Variants in PCDHA10 observed in about 807,000 individuals in gnomAD.
PCDHA10 encodes protocadherin alpha-10.
PCDHA10 carries 45 observed loss-of-function variants against 61.2 expected under a neutral mutation model. The ratio of observed to expected loss-of-function variants is 0.74; its 90% CI spans 0.58 to 0.94. PCDHA10 has a LOEUF of 0.94. Ranked by LOEUF, PCDHA10 falls within the 40% of genes least tolerant of loss-of-function variation. The pLI, the probability that PCDHA10 is intolerant of heterozygous loss-of-function variation, is 0.00. For missense variants in PCDHA10, 1,278 were observed against 1,236.2 expected, an observed-to-expected ratio of 1.03 and a Z score of -0.51; for synonymous variants, 602 against 548.8, an observed-to-expected ratio of 1.10 and a Z score of -1.35.
intron 1 of PCDHA10, among the ~76,000 whole-genome samples, chr5:140,891,310 G>A (rs1361380938): frequency 6.6e-6 from 1 of 152,030 alleles, no homozygotes; most frequent in Non-Finnish European, 1.5e-5. Flanking sequence ...GATTACATGA[G>A]TAAGTTCTTT....
Position 140,863,381 on chromosome 5 carries a change from G to A in PCDHA10, c.2388+4945G>A, listed in dbSNP as rs1186134797. 4 of 1,058,516 alleles carry A rather than the reference G, an allele frequency of 3.8e-6. No homozygotes were observed. In the African/African-American group the frequency reaches 4.8e-5, roughly 13 times the overall value. 65.6% of individuals were successfully genotyped at this position (1,058,516 alleles called of 1,614,324 possible). ...CGGTGCTTGGCGCAGCTCACCGAGAGCTCGTGCATGCCGGGCAAGCCCACG... is the reference window on the plus strand; with the variant it reads ...CGGTGCTTGGCGCAGCTCACCGAGAACTCGTGCATGCCGGGCAAGCCCACG... On this transcript the variant is annotated intron_variant, in intron 1 of 3. Transcript: ENST00000307360.
intron 3 of PCDHA10, among the ~76,000 whole-genome samples, chr5:141,008,458 C>T (rs1234894606): frequency 3.9e-5 from 6 of 152,252 alleles, no homozygotes; most frequent in Middle Eastern, 3.4e-3. Context: ...CCTTCCTCTC[C>T]AGCTCTGACT....
chr5:140,924,116 G>C (rs2081683465), intron 1 of PCDHA10, among the ~76,000 whole-genome samples: 1 of 152,178 alleles, frequency 6.6e-6, no homozygotes, highest in African/African-American at 2.4e-5. Flanking sequence ...AAAGCAGTTA[G>C]CTTGCTTAGC....
At chr5:140,858,612 A>G (rs1554151880) in intron 1 of PCDHA10, 176 bp downstream of exon 1, 2 of 1,223,056 alleles carry the variant, frequency 1.6e-6, no homozygotes, top group Admixed American at 2.7e-5. Flanking sequence ...AAATTTTTTT[A>G]TCCTACCCAG....
chr5:140,976,427 T>C (rs2096715861), intron 1 of PCDHA10, among the ~76,000 whole-genome samples: 1 of 152,064 alleles, frequency 6.6e-6, no homozygotes, highest in Admixed American at 6.5e-5. Flanking sequence ...GGCAGATGCC[T>C]GTAATCCCAG....
At chr5:140,991,247 T>C (rs1211585397) in intron 3 of PCDHA10, among the ~76,000 whole-genome samples, 1 of 152,200 alleles carries the variant, frequency 6.6e-6, no homozygotes, top group Non-Finnish European at 1.5e-5. Flanking sequence ...AAAGGCAGTA[T>C]TTGAACTCAT....
chr5:140,916,717 T>C (rs781839792), intron 1 of PCDHA10, among the ~76,000 whole-genome samples: 1 of 151,908 alleles, frequency 6.6e-6, no homozygotes, highest in South Asian at 2.1e-4. Flanking sequence ...AAGGAAGGAG[T>C]GACTTTTGTT....
In PCDHA10 at chr5:140,858,343, G is replaced by A. The variant is rs1554151440; in HGVS notation, c.2295G>A (p.Ala765=). Residue 765 remains alanine (A), a synonymous_variant, in exon 1 of 4, where the codon GCG becomes GCA. Coordinates refer to ENST00000307360, the MANE Select transcript of PCDHA10 (RefSeq NM_018901.4). ...GTTCTGGGGAGGGCCTGCCCAAGGC[G>A]GACCTCATGGCCTTCAGCCCCAGCC... The part of the protein sequence containing the change: ...RVCSGEGLPK[A]DLMAFSPSLP... 9 of 1,594,924 alleles carry A rather than the reference G, an allele frequency of 5.6e-6. 1 individual carries two copies. The highest frequency in any genetic ancestry group is 6.9e-6 in the Non-Finnish European group (8 of 1,165,636).
chr5:141,008,678 G>C (rs1463545809), intron 3 of PCDHA10, among the ~76,000 whole-genome samples: 1 of 152,112 alleles, frequency 6.6e-6, no homozygotes, highest in Non-Finnish European at 1.5e-5. Flanking sequence ...ATATACTTTA[G>C]TTATTGCATG....
intron 3 of PCDHA10, among the ~76,000 whole-genome samples, chr5:140,985,454 A>G (rs1378044295): frequency 1.3e-5 from 2 of 152,188 alleles, no homozygotes; most frequent in Non-Finnish European, 2.9e-5. Context: ...GAAAAGGGAA[A>G]TGCTCCAAAA....
At chr5:140,953,228 G>C (rs2094861370) in intron 1 of PCDHA10, among the ~76,000 whole-genome samples, 2 of 152,124 alleles carry the variant, frequency 1.3e-5, no homozygotes, top group African/African-American at 4.8e-5. Context: ...CTTCTGCTTG[G>C]TAGCAGTTCA....
chr5:140,877,697 C>T (rs2057290837), intron 1 of PCDHA10: 15 of 1,613,794 alleles, frequency 9.3e-6, no homozygotes, highest in Non-Finnish European at 1.3e-5. Flanking sequence ...CTGGTGTGCT[C>T]CAGCGCCGTG....
chr5:140,956,775 C>T (rs1176979643), intron 1 of PCDHA10, among the ~76,000 whole-genome samples: 1 of 152,112 alleles, frequency 6.6e-6, no homozygotes, highest in Non-Finnish European at 1.5e-5. Context: ...CTGTCTGGTC[C>T]TGGGCTTTGT....
At chr5:140,973,980 A>G (rs1554235707) in intron 1 of PCDHA10, among the ~76,000 whole-genome samples, 1 of 152,248 alleles carries the variant, frequency 6.6e-6, no homozygotes, top group African/African-American at 2.4e-5. Flanking sequence ...TGGCTTTTAC[A>G]GAACTTCACC....
chr5:140,966,888 C>A, intron 1 of PCDHA10: 13 of 1,593,128 alleles, frequency 8.2e-6, no homozygotes, highest in Non-Finnish European at 1.1e-5. Context: ...GGCCCTGCGG[C>A]CTCCCAGCTG....
rs116232949 is a variant in PCDHA10, at chr5:140,982,448, G to A, written c.2448-27G>A. The A allele has an allele frequency of 4.0e-3, 6,396 of 1,613,770 alleles. 180 individuals carry two copies. In the African/African-American group the frequency reaches 0.067, roughly 17 times the overall value. ...ATGGGAAAGAATTTATGATCTAACC[G>A]TTATCTGGGTCTGTGTGTTTATTCA... On this transcript the variant is annotated intron_variant, in intron 2 of 3. Coordinates refer to ENST00000307360, the MANE Select transcript of PCDHA10 (RefSeq NM_018901.4).
chr5:140,960,397 G>A (rs1322659184), intron 1 of PCDHA10, among the ~76,000 whole-genome samples: 1 of 152,102 alleles, frequency 6.6e-6, no homozygotes, highest in African/African-American at 2.4e-5. Flanking sequence ...AGGATGCAAG[G>A]GGGGGTGCCC....
intron 1 of PCDHA10, among the ~76,000 whole-genome samples, chr5:140,891,360 G>T (rs2063061562): frequency 6.6e-6 from 1 of 151,060 alleles, no homozygotes; most frequent in Admixed American, 6.6e-5. Context: ...CATCACCTGA[G>T]CAGTATACAT....
rs782537686 is a variant in PCDHA10, at chr5:140,967,852, C to T, written c.2389-11097C>T. 13 of 1,614,142 alleles carry T rather than the reference C, an allele frequency of 8.1e-6. No homozygotes were observed. The Middle Eastern group carries it at 1.2e-3, about 143-fold the overall frequency. On this transcript the variant is annotated intron_variant, in intron 1 of 3. Transcript: ENST00000307360. ...ACATCGTGGACGTGAATGACAATGC[C>T]CCAGAGGTGGTGCTCACGGACCTGT...
Sources: allele counts gnomAD v4.1 joint callset (sites outside exome capture counted in the v4.1 genomes callset), GRCh38; gene constraint gnomAD v4.1.1; transcripts MANE v1.5; gene names NCBI Gene and HGNC (gene_info 2026-07-23, HGNC 2026-07-21).